Variants in LIMCH1 observed in about 807,000 individuals in gnomAD.
LIMCH1 encodes LIM and calponin homology domains 1.
In LIMCH1, 113 loss-of-function variants were observed where a neutral mutation model predicts 176.5. The observed-to-expected ratio is 0.64, with a 90% CI of 0.55 to 0.75. The LOEUF is 0.75. Among genes scored for constraint, LIMCH1 ranks in the 30% least tolerant of loss-of-function variants. The probability of loss-of-function intolerance (pLI) is 0.00; values close to 1 mark genes in which losing one functional copy is unlikely to be tolerated. For missense variants in LIMCH1, 1,674 were observed against 1,814.9 expected (o/e 0.92, Z 1.41); for synonymous variants, 619 against 645.9 (o/e 0.96, Z 0.63).
At chr4:41,577,464 C>T (rs9291205) in intron 1 of LIMCH1, among the ~76,000 whole-genome samples, 55 of 152,318 alleles carry the variant, frequency 3.6e-4, no homozygotes, top group African/African-American at 1.2e-3. Flanking sequence ...AGGTCTTGCT[C>T]TCTCACCCAG....
intron 2 of LIMCH1, among the ~76,000 whole-genome samples, chr4:41,495,883 T>C (rs1263661496): frequency 2.6e-5 from 4 of 152,316 alleles, no homozygotes; most frequent in Non-Finnish European, 5.9e-5. Flanking sequence ...GTATCTTCTA[T>C]TTGATGTTTC....
chr4:41,450,435 C>A (rs926315181), intron 1 of LIMCH1, among the ~76,000 whole-genome samples: 2 of 151,932 alleles, frequency 1.3e-5, no homozygotes, highest in Admixed American at 1.3e-4. Context: ...TCATGAGCGT[C>A]TGTGGAGTAA....
At chr4:41,379,101 T>C (rs2055235762) in intron 1 of LIMCH1, among the ~76,000 whole-genome samples, 2 of 152,182 alleles carry the variant, frequency 1.3e-5, no homozygotes. Context: ...ATTTATTATT[T>C]TATAGTTTCT....
At chr4:41,363,932 T>C (rs965150085) in intron 1 of LIMCH1, among the ~76,000 whole-genome samples, 2 of 152,174 alleles carry the variant, frequency 1.3e-5, no homozygotes, top group South Asian at 4.1e-4. Context: ...ACTAACTTCT[T>C]TCCATACTAC....
chr4:41,582,801 A>G (rs1251951060), intron 1 of LIMCH1, among the ~76,000 whole-genome samples: 2 of 152,194 alleles, frequency 1.3e-5, no homozygotes, highest in Admixed American at 1.3e-4. Context: ...ATTTATAATT[A>G]TCATTATCAT....
intron 1 of LIMCH1, among the ~76,000 whole-genome samples, chr4:41,372,148 A>G (rs1283665442): frequency 6.6e-6 from 1 of 152,122 alleles, no homozygotes; most frequent in Non-Finnish European, 1.5e-5. Context: ...TCTCATCTCC[A>G]TAATGCAGCA....
At chr4:41,646,974 G>A (rs2094090181) in intron 17 of LIMCH1, 81 bp downstream of exon 17, 2 of 1,304,112 alleles carry the variant, frequency 1.5e-6, no homozygotes, top group East Asian at 4.7e-5. Context: ...TCAAGAAAAT[G>A]TCATTCTTTT....
intron 4 of LIMCH1, chr4:41,612,847 C>CTT (rs2091599759): frequency 8.4e-7 from 1 of 1,190,092 alleles, no homozygotes; most frequent in Admixed American, 3.0e-5. Context: ...TTTTCATTGC[C>CTT]TTTCTTTTTT....
At chr4:41,650,245 C>G (rs2094233979) in intron 17 of LIMCH1, 148 bp from the exon 18 acceptor site, 1 of 643,714 alleles carries the variant, frequency 1.6e-6, no homozygotes. Context: ...ACTCATAGAT[C>G]CCATCAGAAC....
At chr4:41,607,211 A>G (rs1371732876) in intron 4 of LIMCH1, among the ~76,000 whole-genome samples, 3 of 152,198 alleles carry the variant, frequency 2.0e-5, no homozygotes, top group Non-Finnish European at 4.4e-5. Flanking sequence ...AGTTCCTTGC[A>G]ATTTTTCTTT....
chr4:41,536,858 A>G (rs1186742420), upstream of LIMCH1, among the ~76,000 whole-genome samples: 1 of 152,334 alleles, frequency 6.6e-6, no homozygotes, highest in East Asian at 1.9e-4. Flanking sequence ...ATTAGGGAAA[A>G]ACTAATGAAA....
chr4:41,579,288 A>T (rs1237356928), intron 1 of LIMCH1, among the ~76,000 whole-genome samples: 1 of 152,190 alleles, frequency 6.6e-6, no homozygotes, highest in Admixed American at 6.5e-5. Flanking sequence ...AGTCTGGCCT[A>T]GTCATTGAAA....
intron 2 of LIMCH1, among the ~76,000 whole-genome samples, chr4:41,600,434 C>A (rs374752697): frequency 6.6e-6 from 1 of 152,184 alleles, no homozygotes; most frequent in Non-Finnish European, 1.5e-5. Context: ...TAATTAGTCA[C>A]ACACACATTG....
chr4:41,622,297 A>G (rs1364079684), intron 7 of LIMCH1, among the ~76,000 whole-genome samples: 2 of 152,150 alleles, frequency 1.3e-5, no homozygotes, highest in Non-Finnish European at 2.9e-5. Flanking sequence ...GGGGAATACT[A>G]TCTCCTCACT....
intron 15 of LIMCH1, among the ~76,000 whole-genome samples, chr4:41,645,580 C>G (rs907445081): frequency 6.6e-6 from 1 of 152,148 alleles, no homozygotes; most frequent in Non-Finnish European, 1.5e-5. Flanking sequence ...CTCCAGAATC[C>G]TCACTCTTCA....
At chr4:41,360,026 G>GGTGTGTGTGTGTGTGTGT (rs35179191), upstream of LIMCH1, among the ~76,000 whole-genome samples, 58 of 145,872 alleles carry the variant, frequency 4.0e-4, no homozygotes, top group African/African-American at 1.2e-3. This position sits in a 1 kb window ranked among gnomAD's most constrained non-coding sequence, Gnocchi z 4.5. Context: ...GGGTGTGTAG[G>GGTGTGTGTGTGTGTGTGT]GTGTGTGTGT....
At chr4:41,419,818 C>A (rs1207456160) in intron 1 of LIMCH1, among the ~76,000 whole-genome samples, 1 of 151,322 alleles carries the variant, frequency 6.6e-6, no homozygotes, top group Non-Finnish European at 1.5e-5. Flanking sequence ...TTCTTCCCTT[C>A]CCTCTTCCCT....
At chr4:41,696,781 C>A (rs930352947) in intron 31 of LIMCH1, among the ~76,000 whole-genome samples, 2 of 152,090 alleles carry the variant, frequency 1.3e-5, no homozygotes, top group African/African-American at 4.8e-5. Flanking sequence ...AAATCAAAAC[C>A]TAAGGAAACT....
At chr4:41,612,374 C>G in intron 4 of LIMCH1, 1 of 571,256 alleles carries the variant, frequency 1.8e-6, no homozygotes. Flanking sequence ...GCAGAGGGGA[C>G]TTTCGCGAGC....
Sources: gnomAD v4.1 joint callset for allele counts (sites outside exome capture counted in the v4.1 genomes callset) on GRCh38, gnomAD v4.1.1 for gene constraint, Gnocchi (gnomAD v3.1) non-coding constraint, MANE v1.5 for transcripts, NCBI Gene and HGNC (gene_info 2026-07-23, HGNC 2026-07-21) for gene names.